The following MARCHF1 variants were observed in gnomAD, a reference collection of about 807,000 sequenced individuals.
The protein encoded by MARCHF1 is E3 ubiquitin-protein ligase MARCHF1.
A neutral mutation model predicts 54.2 loss-of-function variants in MARCHF1; 40 were observed. That is an observed-to-expected ratio of 0.74 (90% confidence interval 0.57 to 0.96). The LOEUF (loss-of-function observed/expected upper bound fraction) is 0.96, where lower values mean the gene tolerates loss of function less well. Ranked by LOEUF, MARCHF1 falls within the 40% of genes least tolerant of loss-of-function variation. MARCHF1 has a pLI of 0.00. For missense variants in MARCHF1, 586 were observed against 656.5 expected, an observed-to-expected ratio of 0.89 and a Z score of 1.17; for synonymous variants, 236 against 236.3, an observed-to-expected ratio of 1.00 and a Z score of 0.01.
intron 4 of MARCHF1, among the ~76,000 whole-genome samples, chr4:163,724,390 C>T (rs1442034628): frequency 6.6e-6 from 1 of 152,184 alleles, no homozygotes; most frequent in Non-Finnish European, 1.5e-5. Flanking sequence ...AGAGGGGGAC[C>T]CGGCTGTGTG....
At chr4:163,723,067 A>G (rs953105741) in intron 4 of MARCHF1, among the ~76,000 whole-genome samples, 7 of 152,158 alleles carry the variant, frequency 4.6e-5, no homozygotes, top group Non-Finnish European at 8.8e-5. Flanking sequence ...TCCTGTCATT[A>G]TGATGTTAGC....
intron 1 of MARCHF1, among the ~76,000 whole-genome samples, chr4:164,291,005 TA>T (rs1734271247): frequency 6.6e-6 from 1 of 152,104 alleles, no homozygotes; most frequent in South Asian, 2.1e-4. Flanking sequence ...TTTTTTAAAT[TA>T]TGATGCTTAT....
Position 164,259,276 on chromosome 4 carries a change from C to T in MARCHF1, c.-323+124594G>A, listed in dbSNP as rs558524092. ...GCCACAACTGGGCCGGGCGTGGTGG[C>T]TCACTCCTGTAATCCCAATACTTTA... is the stretch of plus-strand genomic sequence containing the variant. On this transcript the variant is annotated intron_variant, in intron 1 of 9. Coordinates refer to ENST00000514618, the MANE Select transcript of MARCHF1 (RefSeq NM_001394959.1). Among the ~76,000 whole-genome samples the T allele has an allele frequency of 4.6e-5, 7 of 152,056 alleles. No homozygotes were observed. The South Asian group carries it at 1.5e-3, about 32-fold the overall frequency.
intron 3 of MARCHF1, among the ~76,000 whole-genome samples, chr4:163,947,682 A>G (rs941099004): frequency 1.3e-5 from 2 of 152,244 alleles, no homozygotes; most frequent in Admixed American, 6.5e-5. Flanking sequence ...TCTCAACTTC[A>G]TAACTATATA....
intron 4 of MARCHF1, among the ~76,000 whole-genome samples, chr4:163,835,018 G>A (rs923367764): frequency 1.3e-5 from 2 of 151,940 alleles, no homozygotes; most frequent in African/African-American, 4.8e-5. Context: ...TAGGAGCTGG[G>A]ACTAAAAGCC....
At chr4:163,880,544 C>A (rs1028220181) in intron 3 of MARCHF1, among the ~76,000 whole-genome samples, 2 of 151,148 alleles carry the variant, frequency 1.3e-5, no homozygotes, top group Non-Finnish European at 3.0e-5. Context: ...ATTACTATTA[C>A]TACATAAAAA....
intron 1 of MARCHF1, among the ~76,000 whole-genome samples, chr4:164,245,054 T>A (rs1227952289): frequency 6.6e-6 from 1 of 152,168 alleles, no homozygotes; most frequent in Admixed American, 6.5e-5. Flanking sequence ...TACCATTCCT[T>A]CTGAAACTAT....
chr4:163,876,341 G>C (rs1269028028), intron 3 of MARCHF1, among the ~76,000 whole-genome samples: 1 of 152,042 alleles, frequency 6.6e-6, no homozygotes, highest in Non-Finnish European at 1.5e-5. Context: ...TCCTAAAATA[G>C]AGACTTGGAT....
chr4:164,040,534 T>C (rs1214438044), intron 2 of MARCHF1, among the ~76,000 whole-genome samples: 2 of 150,334 alleles, frequency 1.3e-5, no homozygotes, highest in African/African-American at 2.4e-5. Context: ...AAAGATAAAG[T>C]TTTTTTTGAA....
chr4:163,684,141 G>A (rs929096785), intron 5 of MARCHF1, among the ~76,000 whole-genome samples: 1 of 152,130 alleles, frequency 6.6e-6, no homozygotes, highest in African/African-American at 2.4e-5. Context: ...TACCTCTTAA[G>A]CCACCTTCAG....
At chr4:164,273,390 C>G (rs1374947195) in intron 1 of MARCHF1, among the ~76,000 whole-genome samples, 2 of 152,116 alleles carry the variant, frequency 1.3e-5, no homozygotes, top group Non-Finnish European at 2.9e-5. Context: ...CCTGGTCTCT[C>G]CCTTGACATG....
At chr4:163,688,284 TAAG>T (rs1467291818) in intron 5 of MARCHF1, among the ~76,000 whole-genome samples, 3 of 152,118 alleles carry the variant, frequency 2.0e-5, no homozygotes, top group South Asian at 4.1e-4. Context: ...AATGAGATAA[TAAG>T]AAGAGATGGT....
intron 1 of MARCHF1, among the ~76,000 whole-genome samples, chr4:164,212,639 G>T (rs1731807671): frequency 6.6e-6 from 1 of 152,168 alleles, no homozygotes; most frequent in Non-Finnish European, 1.5e-5. Context: ...ATGGGAGATT[G>T]GTTCCAGGTC....
At chr4:163,558,404 TGAG>T (rs1739360085) in intron 8 of MARCHF1, among the ~76,000 whole-genome samples, 1 of 152,188 alleles carries the variant, frequency 6.6e-6, no homozygotes, top group Non-Finnish European at 1.5e-5. Context: ...TCTGTTGTTC[TGAG>T]GAGATGCTTG....
At chr4:163,844,873 G>T (rs991215692) in intron 4 of MARCHF1, among the ~76,000 whole-genome samples, 67 of 152,170 alleles carry the variant, frequency 4.4e-4, no homozygotes, top group African/African-American at 1.6e-3. Flanking sequence ...TGTTGCAGAT[G>T]GAGAATCAGC....
intron 1 of MARCHF1, among the ~76,000 whole-genome samples, chr4:164,135,973 G>T (rs1308916638): frequency 6.6e-6 from 1 of 151,976 alleles, no homozygotes; most frequent in Non-Finnish European, 1.5e-5. Context: ...AATAACTTTA[G>T]AAACTTTAGG....
At chr4:163,589,663 A>G (rs1740521293) in intron 7 of MARCHF1, among the ~76,000 whole-genome samples, 1 of 152,192 alleles carries the variant, frequency 6.6e-6, no homozygotes, top group Admixed American at 6.6e-5. Context: ...CTGAATTATA[A>G]ATGGAAACAG....
chr4:163,729,569 G>C (rs1463058244), intron 4 of MARCHF1, among the ~76,000 whole-genome samples: 1 of 151,902 alleles, frequency 6.6e-6, no homozygotes, highest in Non-Finnish European at 1.5e-5. Context: ...TTCTTCTTAT[G>C]TAAATTTTGA....
chr4:163,590,074 G>A (rs1740538326), intron 7 of MARCHF1, among the ~76,000 whole-genome samples: 1 of 151,902 alleles, frequency 6.6e-6, no homozygotes, highest in African/African-American at 2.4e-5. Context: ...GTGTGTGTGT[G>A]TGTGTGTGCT....
Sources: allele counts gnomAD v4.1 joint callset (sites outside exome capture counted in the v4.1 genomes callset), GRCh38; gene constraint gnomAD v4.1.1; transcripts MANE v1.5; gene names NCBI Gene and HGNC (gene_info 2026-07-23, HGNC 2026-07-21).